TRAPPC3L: variants seen among roughly 807,000 people sequenced by gnomAD.
TRAPPC3L encodes the protein trafficking protein particle complex subunit 3-like protein.
A neutral mutation model predicts 23.7 loss-of-function variants in TRAPPC3L; 23 were observed. The ratio of observed to expected loss-of-function variants is 0.97; its 90% CI spans 0.70 to 1.37. The LOEUF is 1.37. Among genes scored for constraint, TRAPPC3L ranks in the 40% most tolerant of loss-of-function variants. The pLI is 0.00. For synonymous variants in TRAPPC3L, 81 were observed against 77.9 expected (o/e 1.04, Z -0.21); for missense variants, 212 against 216.8 (o/e 0.98, Z 0.14).
chr6:116,504,056 C>A (rs1025323089), intron 3 of TRAPPC3L, among the ~76,000 whole-genome samples: 17 of 151,624 alleles, frequency 1.1e-4, no homozygotes, highest in East Asian at 7.8e-4. Flanking sequence ...GACACACACA[C>A]AAAAAAACCC....
chr6:116,499,083 CT>C (rs1375265014), intron 4 of TRAPPC3L, among the ~76,000 whole-genome samples: 3 of 152,226 alleles, frequency 2.0e-5, no homozygotes, highest in Non-Finnish European at 4.4e-5. Context: ...GAACTCCTCA[CT>C]TTGTCTCTAC....
intron 3 of TRAPPC3L, among the ~76,000 whole-genome samples, chr6:116,515,311 A>G (rs1370807928): frequency 6.6e-6 from 1 of 152,188 alleles, no homozygotes; most frequent in Non-Finnish European, 1.5e-5. Flanking sequence ...TGTAAGTCTT[A>G]TGTAATCTAT....
intron 3 of TRAPPC3L, among the ~76,000 whole-genome samples, chr6:116,538,503 C>G (rs1298240014): frequency 6.6e-6 from 1 of 152,112 alleles, no homozygotes; most frequent in Admixed American, 6.6e-5. Context: ...GCAAAAGATA[C>G]ATATACAAAC....
chr6:116,540,612 G>T, intron 2 of TRAPPC3L, 150 bp from the exon 3 acceptor site: 1 of 723,140 alleles, frequency 1.4e-6, no homozygotes, highest in Non-Finnish European at 2.3e-6. Flanking sequence ...TTGGCTGTGG[G>T]CTTCTTATTC....
At position 116,500,533 on chromosome 6, in the gene TRAPPC3L, G is replaced by A. The variant is rs898564008; in HGVS notation, c.374C>T (p.Ser125Phe). Residue 125 changes from serine (S) to phenylalanine (F), a missense_variant, in exon 4 of 5, where the codon TCT (serine) becomes TTT (phenylalanine). Ser to Phe is a radical substitution (Grantham distance 155). Coordinates refer to ENST00000368602, the MANE Select transcript of TRAPPC3L (RefSeq NM_001139444.3). Reference sequence around the variant, plus strand: ...ACAGAGCAAGTTGCAGTAGCACAGAGAAGATCGCCCAGCAGGGAGCTCTTC... The same window carrying A: ...ACAGAGCAAGTTGCAGTAGCACAGAAAAGATCGCCCAGCAGGGAGCTCTTC... ...FVEELPAGRS[S>F]LCYCNLLCGI... 2.6e-6 allele frequency: 4 copies of A among 1,551,576 alleles called. No individual in the cohort carries two copies. The highest frequency in any genetic ancestry group is 1.7e-6 in the Non-Finnish European group (2 of 1,146,986).
intron 3 of TRAPPC3L, among the ~76,000 whole-genome samples, chr6:116,528,514 C>A (rs1772518902): frequency 6.6e-6 from 1 of 152,138 alleles, no homozygotes; most frequent in East Asian, 1.9e-4. Context: ...AATCTATCTG[C>A]CATATTTCTG....
chr6:116,498,360 G>A (rs1435748924), intron 4 of TRAPPC3L, among the ~76,000 whole-genome samples: 2 of 152,140 alleles, frequency 1.3e-5, no homozygotes, highest in African/African-American at 4.8e-5. Flanking sequence ...AAAGATGCTA[G>A]GGTAGACGCA....
At chr6:116,539,367 T>G (rs1469571154) in intron 3 of TRAPPC3L, among the ~76,000 whole-genome samples, 1 of 152,200 alleles carries the variant, frequency 6.6e-6, no homozygotes, top group Non-Finnish European at 1.5e-5. Flanking sequence ...TTCAACCACA[T>G]TATTCACTAG....
intron 3 of TRAPPC3L, among the ~76,000 whole-genome samples, chr6:116,509,063 A>G (rs1312696525): frequency 6.6e-6 from 1 of 151,200 alleles, no homozygotes; most frequent in Non-Finnish European, 1.5e-5. Context: ...GAGCCAAATC[A>G]AGAACTCAAT....
chr6:116,496,838 T>C lies in TRAPPC3L; in HGVS notation c.*116A>G, dbSNP rs1771839730. 1 of 1,348,908 alleles carries C rather than the reference T, an allele frequency of 7.4e-7. No homozygotes were observed. Among genetic ancestry groups the C allele is most frequent in the South Asian group, 1.8e-5 (1 of 54,764 alleles). 83.6% of individuals were successfully genotyped at this position (1,348,908 alleles called of 1,614,324 possible). On this transcript the variant is annotated 3_prime_UTR_variant, in exon 5 of 5. Transcript: ENST00000368602. ...ATGCCCTGCATTTCAAATTTCTGGC[T>C]GATTTATAAACCTTTCAAAGCTCAT...
At chr6:116,515,845 G>A (rs754156141) in intron 3 of TRAPPC3L, 1 of 1,613,926 alleles carries the variant, frequency 6.2e-7, no homozygotes, top group African/African-American at 1.3e-5. Context: ...TTGCTGCCTG[G>A]GAGGCTGCTT....
At chr6:116,510,332 G>T (rs531088152) in intron 3 of TRAPPC3L, among the ~76,000 whole-genome samples, 1 of 152,196 alleles carries the variant, frequency 6.6e-6, no homozygotes, top group South Asian at 2.1e-4. Flanking sequence ...ACCCAGACTG[G>T]AATGCAGTGG....
intron 3 of TRAPPC3L, among the ~76,000 whole-genome samples, chr6:116,510,705 C>A (rs951089586): frequency 4.0e-5 from 6 of 151,864 alleles, no homozygotes; most frequent in African/African-American, 1.5e-4. Flanking sequence ...AAAAAAAACA[C>A]CTGCACATGT....
chr6:116,504,029 G>C (rs1221227137), intron 3 of TRAPPC3L, among the ~76,000 whole-genome samples: 1 of 152,084 alleles, frequency 6.6e-6, no homozygotes, highest in Non-Finnish European at 1.5e-5. Context: ...GATCAGAGCG[G>C]AACTGAAGGA....
In TRAPPC3L at chr6:116,505,550, C is replaced by T. The variant is rs551859512; in HGVS notation, c.241-4884G>A. The stretch of plus-strand genomic sequence containing the variant: ...GTTCATATGGAACCAAAAAAGAGCC[C>T]GCATTGCCAAGACAATCCTAAGCAA... On this transcript the variant is annotated intron_variant, in intron 3 of 4. Transcript: ENST00000368602. Among the ~76,000 whole-genome samples, 11 of 152,234 alleles carry T rather than the reference C, an allele frequency of 7.2e-5. No homozygotes were observed. The East Asian group carries it at 7.7e-4, about 11-fold the overall frequency.
intron 3 of TRAPPC3L, among the ~76,000 whole-genome samples, chr6:116,534,805 T>A (rs1365846621): frequency 2.0e-5 from 3 of 152,176 alleles, no homozygotes; most frequent in Non-Finnish European, 4.4e-5. Context: ...GTTCTCTTCT[T>A]TTGCTTTCCA....
chr6:116,524,632 C>T lies in TRAPPC3L; in HGVS notation c.240+15731G>A, dbSNP rs547702104. 5.3e-5 allele frequency: 8 copies of T among 152,190 alleles called. No individual in the cohort carries two copies. The East Asian group carries it at 1.5e-3, about 29-fold the overall frequency. The allele number at this position is 152,190 out of a possible 1,614,324, so 9.4% of individuals were successfully genotyped here. ...TTTATTACTAACAAGATGTTTTATC[C>T]TATATTCTCATTGGTTTCTTTATCT... On this transcript the variant is annotated intron_variant, in intron 3 of 4. Transcript: ENST00000368602.
chr6:116,496,990 T>C lies in TRAPPC3L; in HGVS notation c.510A>G (p.Lys170=), dbSNP rs1771842093. 1 of 1,546,696 alleles carries C rather than the reference T, an allele frequency of 6.5e-7. No homozygotes were observed. Among genetic ancestry groups the C allele is most frequent in the Non-Finnish European group, 8.7e-7 (1 of 1,145,880 alleles). The change falls in exon 5 of 5, where the codon AAA becomes AAG. Residue 170 remains lysine (K), a synonymous_variant. Coordinates refer to ENST00000368602, the MANE Select transcript of TRAPPC3L (RefSeq NM_001139444.3). ...SVTEIGITFL[K]KRDEKKYRGK... Reference sequence around the variant, plus strand: ...CTCTATATTTTTTCTCGTCTCGCTTTTTTAGAAATGTTATTCCTATTTCTG... The same window carrying C: ...CTCTATATTTTTTCTCGTCTCGCTTCTTTAGAAATGTTATTCCTATTTCTG...
chr6:116,537,558 T>G (rs1400824102), intron 3 of TRAPPC3L, among the ~76,000 whole-genome samples: 1 of 152,222 alleles, frequency 6.6e-6, no homozygotes, highest in East Asian at 1.9e-4. Context: ...CTTACTCGAT[T>G]CCTCTTCAAC....
Sources: gnomAD v4.1 joint callset for allele counts (sites outside exome capture counted in the v4.1 genomes callset) on GRCh38, gnomAD v4.1.1 for gene constraint, MANE v1.5 for transcripts, NCBI Gene and HGNC (gene_info 2026-07-23, HGNC 2026-07-21) for gene names.